The following BEND5 variants were observed in gnomAD, a reference collection of about 807,000 sequenced individuals.
BEND5 encodes BEN domain-containing protein 5.
Under a neutral mutation model 43.9 loss-of-function variants are expected in BEND5, and 22 were observed. The observed-to-expected ratio is 0.50, with a 90% CI of 0.36 to 0.72. BEND5 has a LOEUF of 0.72. Among genes scored for constraint, BEND5 ranks in the 30% least tolerant of loss-of-function variants. The probability of loss-of-function intolerance (pLI) is 0.00; values close to 1 mark genes in which losing one functional copy is unlikely to be tolerated. For synonymous variants in BEND5, 228 were observed against 225.9 expected (o/e 1.01, Z -0.08); for missense variants, 428 against 550.6 (o/e 0.78, Z 2.23).
At chr1:48,755,305 C>T (rs183436273) in intron 3 of BEND5, among the ~76,000 whole-genome samples, 85 of 152,280 alleles carry the variant, frequency 5.6e-4, no homozygotes, top group Middle Eastern at 3.4e-3. Flanking sequence ...CCCACTACCT[C>T]GGTGAGTAAA....
chr1:48,736,402 T>C lies in BEND5; in HGVS notation c.945A>G (p.Leu315=). The part of the protein sequence containing the change: ...IWVDEEKWHQ[L]QVTQGDSKYT... The stretch of plus-strand genomic sequence containing the variant: ...ACTTGGAATCTCCTTGGGTTACTTG[T>C]AGCTGGTGCCATTTCTCCTCATCAA... The change falls in exon 5 of 6, where the codon CTA becomes CTG. Residue 315 remains leucine (L), a synonymous_variant. Coordinates refer to ENST00000371833, the MANE Select transcript of BEND5 (RefSeq NM_024603.4). This position sits in a 1 kb window ranked among gnomAD's most constrained non-coding sequence, Gnocchi z 4.0. 1 of 1,614,190 alleles carries C rather than the reference T, an allele frequency of 6.2e-7. No homozygotes were observed. Among genetic ancestry groups the C allele is most frequent in the Non-Finnish European group, 8.5e-7 (1 of 1,180,022 alleles).
At chr1:48,748,017 A>G (rs1469901862) in intron 3 of BEND5, among the ~76,000 whole-genome samples, 2 of 152,166 alleles carry the variant, frequency 1.3e-5, no homozygotes, top group African/African-American at 2.4e-5. Flanking sequence ...TATTTTCTTC[A>G]TAAATGCATA....
intron 5 of BEND5, among the ~76,000 whole-genome samples, chr1:48,730,733 A>T (rs546934469): frequency 1.3e-5 from 2 of 152,304 alleles, no homozygotes; most frequent in East Asian, 1.9e-4. Flanking sequence ...GTTGCCGGGA[A>T]TGTCTCCCTC....
chr1:48,727,832 G>A lies in BEND5; in HGVS notation c.*54C>T, dbSNP rs951178362. 7 of 1,523,258 alleles carry A rather than the reference G, an allele frequency of 4.6e-6. No individual in the cohort carries two copies. Among genetic ancestry groups the A allele is most frequent in the African/African-American group, 1.4e-5 (1 of 73,066 alleles). The allele number at this position is 1,523,258 out of a possible 1,614,324, so 94.4% of individuals were successfully genotyped here. A position where few individuals can be genotyped will look rare whatever the true frequency, so the allele number is the denominator to read the frequency against. On this transcript the variant is annotated 3_prime_UTR_variant, in exon 6 of 6. Transcript: ENST00000371833. ...TCTGATTTGGACGGCACCATCGCTC[G>A]CAAATCACATGCCACACAAGGAAAA...
chr1:48,742,964 G>T (rs888653413), intron 3 of BEND5, among the ~76,000 whole-genome samples, 193 bp from the exon 4 acceptor site: 1 of 152,184 alleles, frequency 6.6e-6, no homozygotes, highest in Non-Finnish European at 1.5e-5. Context: ...GTGGAAAACT[G>T]GAAGACAAGA....
At chr1:48,763,514 GAGAA>G (rs1321717248) in intron 1 of BEND5, among the ~76,000 whole-genome samples, 3 of 152,056 alleles carry the variant, frequency 2.0e-5, no homozygotes, top group African/African-American at 7.2e-5. Flanking sequence ...GACAAAAAGA[GAGAA>G]AGAGAGAGAG....
intron 4 of BEND5, among the ~76,000 whole-genome samples, chr1:48,737,515 G>A (rs1649260049): frequency 6.6e-6 from 1 of 152,074 alleles, no homozygotes; most frequent in African/African-American, 2.4e-5. Context: ...TGAAGTGGTG[G>A]AGCTGGATTT....
Position 48,761,489 on chromosome 1 carries a change from G to C in BEND5, c.227-19C>G. On this transcript the variant is annotated intron_variant, in intron 1 of 5. Coordinates refer to ENST00000371833, the MANE Select transcript of BEND5 (RefSeq NM_024603.4). ...TTGTCTTCTAAAATGCATATCAAGA[G>C]AACAAGGTTCATCATGAGTTAAAAT... The C allele has an allele frequency of 6.5e-7, 1 of 1,547,040 alleles. No individual in the cohort carries two copies. Among genetic ancestry groups the C allele is most frequent in the Non-Finnish European group, 8.7e-7 (1 of 1,145,874 alleles).
intron 3 of BEND5, among the ~76,000 whole-genome samples, chr1:48,746,855 CA>C (rs750698907): frequency 1.2e-3 from 181 of 152,240 alleles, no homozygotes; most frequent in Non-Finnish European, 2.0e-3. Flanking sequence ...GGCAAAACGG[CA>C]GATGAATGAA....
intron 4 of BEND5, among the ~76,000 whole-genome samples, chr1:48,739,222 C>A (rs991401202): frequency 2.0e-5 from 3 of 152,220 alleles, no homozygotes; most frequent in East Asian, 3.8e-4. Context: ...TGCCTCCAGT[C>A]CTTGCTCCCT....
chr1:48,739,723 G>A (rs1056797527), intron 4 of BEND5, among the ~76,000 whole-genome samples: 12 of 152,284 alleles, frequency 7.9e-5, no homozygotes, highest in African/African-American at 2.9e-4. Context: ...AGTGTCAGGA[G>A]GACACAGCAA....
intron 4 of BEND5, among the ~76,000 whole-genome samples, chr1:48,742,158 G>C (rs576955136): frequency 6.6e-6 from 1 of 152,252 alleles, no homozygotes; most frequent in South Asian, 2.1e-4. Flanking sequence ...CTGTATTCCT[G>C]TTATCTAGCA....
chr1:48,741,295 T>C (rs138187614), intron 4 of BEND5, among the ~76,000 whole-genome samples: 278 of 152,304 alleles, frequency 1.8e-3, no homozygotes, highest in African/African-American at 6.4e-3. Flanking sequence ...AGAGCATCAA[T>C]CCAATCCCAT....
intron 1 of BEND5, among the ~76,000 whole-genome samples, chr1:48,765,754 G>C (rs1355864032): frequency 6.6e-6 from 1 of 152,194 alleles, no homozygotes; most frequent in African/African-American, 2.4e-5. Context: ...ATGATGTACT[G>C]ACTCATGTTA....
chr1:48,728,912 T>C (rs754029104), intron 5 of BEND5, among the ~76,000 whole-genome samples: 60 of 152,208 alleles, frequency 3.9e-4, no homozygotes, highest in Non-Finnish European at 7.2e-4. Context: ...AGTGTCTCAC[T>C]GCTGTGATTA....
intron 3 of BEND5, among the ~76,000 whole-genome samples, chr1:48,748,517 G>A (rs1172088231): frequency 2.0e-5 from 3 of 152,194 alleles, no homozygotes; most frequent in Admixed American, 2.0e-4. Context: ...AGGAGGGGGT[G>A]CTGCCTCTGG....
At chr1:48,774,029 T>A (rs1430291521) in intron 1 of BEND5, among the ~76,000 whole-genome samples, 1 of 152,220 alleles carries the variant, frequency 6.6e-6, no homozygotes, top group African/African-American at 2.4e-5. Context: ...TAAAAAGAAG[T>A]ATACTTCAAG....
At chr1:48,762,713 C>T (rs1181815463) in intron 1 of BEND5, among the ~76,000 whole-genome samples, 2 of 151,874 alleles carry the variant, frequency 1.3e-5, no homozygotes, top group African/African-American at 4.8e-5. Flanking sequence ...CCAGGCTTCT[C>T]TCCTACAACT....
intron 1 of BEND5, among the ~76,000 whole-genome samples, chr1:48,763,100 AAACAACAACAACAAC>A (rs138330596): frequency 7.3e-5 from 11 of 151,088 alleles, no homozygotes; most frequent in South Asian, 4.2e-4. Flanking sequence ...GATTTAATTA[AAACAACAACAACAAC>A]AACAACAACA....
Sources: allele counts gnomAD v4.1 joint callset (sites outside exome capture counted in the v4.1 genomes callset), GRCh38; gene constraint gnomAD v4.1.1; non-coding constraint Gnocchi (gnomAD v3.1); transcripts MANE v1.5; gene names NCBI Gene and HGNC (gene_info 2026-07-23, HGNC 2026-07-21).